ZNF71: variants seen among roughly 807,000 people sequenced by gnomAD.
The protein encoded by ZNF71 is endothelial zinc finger protein induced by tumor necrosis factor alpha.
ZNF71 carries 3 observed loss-of-function variants against 6.7 expected under a neutral mutation model. The ratio of observed to expected loss-of-function variants is 0.45; its 90% CI spans 0.20 to 1.16. The LOEUF is 1.16. ZNF71 is among the 50% of genes most tolerant of loss of function. The pLI is 0.25. For synonymous variants in ZNF71, 343 were observed against 311.1 expected (o/e 1.10, Z -1.08); for missense variants, 688 against 728.6 (o/e 0.94, Z 0.64).
Position 56,621,796 on chromosome 19 carries a change from G to T in ZNF71, c.689G>T (p.Arg230Leu), listed in dbSNP as rs1208403003. 6.2e-7 allele frequency: 1 copy of T among 1,613,810 alleles called. No individual in the cohort carries two copies. The highest frequency in any genetic ancestry group is 8.5e-7 in the Non-Finnish European group (1 of 1,179,998). Residue 230 changes from arginine (R) to leucine (L), a missense_variant, in exon 4 of 4, where the codon CGC becomes CTC. Coordinates refer to ENST00000599599, the MANE Select transcript of ZNF71 (RefSeq NM_001370215.1). ...ACCTGTGGGAAGCACTTCATCGAGCGCTCGTCCCTCACCATCCACCAGCGG... is the reference window on the plus strand; with the variant it reads ...ACCTGTGGGAAGCACTTCATCGAGCTCTCGTCCCTCACCATCCACCAGCGG... ...CDTCGKHFIE[R>L]SSLTIHQRVH...
intron 2 of ZNF71, among the ~76,000 whole-genome samples, chr19:56,607,101 A>G (rs2044715859): frequency 6.6e-6 from 1 of 152,230 alleles, no homozygotes; most frequent in South Asian, 2.1e-4. Context: ...GGGCTACCAG[A>G]AAAGCATGGT....
At position 56,624,194 on chromosome 19, in the gene ZNF71, A is replaced by G. The variant is rs1355529913; in HGVS notation, c.*1437A>G. ...ATACAGAAAAAAAATTATATCAGCA[A>G]GCACATTCTGCAAATAAGAAAAACA... is the stretch of plus-strand genomic sequence containing the variant. On this transcript the variant is annotated 3_prime_UTR_variant, in exon 4 of 4. Transcript: ENST00000599599. 6.0e-6 allele frequency: 1 copy of G among 165,316 alleles called. No individual in the cohort carries two copies. The highest frequency in any genetic ancestry group is 1.9e-4 in the East Asian group (1 of 5,208). The allele number at this position is 165,316 out of a possible 1,614,324, so 10.2% of individuals were successfully genotyped here. A position where few individuals can be genotyped will look rare whatever the true frequency, so the allele number is the denominator to read the frequency against.
rs1225439971 is a variant in ZNF71, at chr19:56,624,063, C to G, written c.*1306C>G. 6.0e-6 allele frequency: 1 copy of G among 166,944 alleles called. No individual in the cohort carries two copies. The highest frequency in any genetic ancestry group is 2.4e-5 in the African/African-American group (1 of 41,454). 10.3% of individuals were successfully genotyped at this position (166,944 alleles called of 1,614,324 possible). On this transcript the variant is annotated 3_prime_UTR_variant, in exon 4 of 4. Transcript: ENST00000599599. ...CCCCAAAGTGCACTTTCTCTGGGGC[C>G]TTTTAGGCCATACTTTTAATTTTGT...
At chr19:56,606,291 C>CTT (rs1355484716) in intron 2 of ZNF71, among the ~76,000 whole-genome samples, 1 of 152,082 alleles carries the variant, frequency 6.6e-6, no homozygotes, top group Admixed American at 6.5e-5. Context: ...AAGTATCACT[C>CTT]TGTGTGTTTC....
At position 56,602,659 on chromosome 19, in the gene ZNF71, G is replaced by C. The variant is rs574856352; in HGVS notation, c.33+1068G>C. ...GAAAATGTTTACTAGCCATTTCTGTGGGCAGGGAAATGATCCATCTTGTGC... is the reference window on the plus strand; with the variant it reads ...GAAAATGTTTACTAGCCATTTCTGTCGGCAGGGAAATGATCCATCTTGTGC... On this transcript the variant is annotated intron_variant, in intron 2 of 3. Transcript: ENST00000599599. 5.3e-5 allele frequency among the ~76,000 whole-genome samples: 8 copies of C among 152,300 alleles called. No homozygotes were observed. In the East Asian group the frequency reaches 1.5e-3, roughly 29 times the overall value.
Position 56,621,586 on chromosome 19 carries a change from G to T in ZNF71, c.479G>T (p.Gly160Val). 1.2e-6 allele frequency: 2 copies of T among 1,614,172 alleles called. No individual in the cohort carries two copies. Among genetic ancestry groups the T allele is most frequent in the Non-Finnish European group, 1.7e-6 (2 of 1,180,026 alleles). The part of the protein sequence containing the change: ...PPRLDDPTEK[G>V]ACPPVRRGKN... ...CGGCTGGACGACCCCACAGAAAAGG[G>T]GGCCTGTCCACCCGTAAGGCGTGGC... Residue 160 changes from glycine (G) to valine (V), a missense_variant, in exon 4 of 4, where the codon GGG (glycine) becomes GTG (valine). Gly to Val is a moderately radical substitution (Grantham distance 109). Transcript: ENST00000599599.
rs748505911 is a variant in ZNF71, at chr19:56,622,701, G to A, written c.1594G>A (p.Gly532Arg). Reference sequence around the variant, plus strand: ...GAAGCCCTACCGATGCGGCGAGTGCGGGAAGACCTTCAGCCGCAACACGAA... The same window carrying A: ...GAAGCCCTACCGATGCGGCGAGTGCAGGAAGACCTTCAGCCGCAACACGAA... ...GEKPYRCGECGKTFSRNTNLT... is the reference protein window; with the variant it reads ...GEKPYRCGECRKTFSRNTNLT... Residue 532 changes from glycine to arginine, a missense_variant, in exon 4 of 4, where the codon GGG becomes AGG. Transcript: ENST00000599599. The A allele has an allele frequency of 1.9e-6, 3 of 1,613,546 alleles. No individual in the cohort carries two copies. Among genetic ancestry groups the A allele is most frequent in the East Asian group, 2.2e-5 (1 of 44,870 alleles).
chr19:56,600,155 G>A (rs555260086), intron 1 of ZNF71, among the ~76,000 whole-genome samples: 2 of 142,954 alleles, frequency 1.4e-5, no homozygotes, highest in Middle Eastern at 3.5e-3. Flanking sequence ...GAGTGCAGTG[G>A]TGCAATCTTG....
chr19:56,622,694 C>T lies in ZNF71; in HGVS notation c.1587C>T (p.Gly529=), dbSNP rs754639538. The change falls in exon 4 of 4, where the codon GGC becomes GGT. Residue 529 remains glycine, a synonymous_variant. Transcript: ENST00000599599. Reference sequence around the variant, plus strand: ...CGGGCGAGAAGCCCTACCGATGCGGCGAGTGCGGGAAGACCTTCAGCCGCA... The same window carrying T: ...CGGGCGAGAAGCCCTACCGATGCGGTGAGTGCGGGAAGACCTTCAGCCGCA... ...IHTGEKPYRC[G]ECGKTFSRNT... 6.2e-7 allele frequency: 1 copy of T among 1,613,812 alleles called. No individual in the cohort carries two copies. Among genetic ancestry groups the T allele is most frequent in the Non-Finnish European group, 8.5e-7 (1 of 1,179,794 alleles).
intron 1 of ZNF71, among the ~76,000 whole-genome samples, chr19:56,597,321 A>G (rs1189844763): frequency 6.6e-6 from 1 of 152,090 alleles, no homozygotes; most frequent in Admixed American, 6.5e-5. Context: ...TTTTTTTTAT[A>G]TTAAATTGTG....
Position 56,621,466 on chromosome 19 carries a change from G to A in ZNF71, c.359G>A (p.Gly120Glu), listed in dbSNP as rs771166210. 15 of 1,614,014 alleles carry A rather than the reference G, an allele frequency of 9.3e-6. No homozygotes were observed. Among genetic ancestry groups the A allele is most frequent in the Non-Finnish European group, 1.3e-5 (15 of 1,179,958 alleles). The change falls in exon 4 of 4, where the codon GGA becomes GAA. Residue 120 changes from glycine (G) to glutamate (E), a missense_variant. Transcript: ENST00000599599. ...GDAGAEWEPL[G>E]IPQGNKLLGG... Reference sequence around the variant, plus strand: ...GCAGGTGCAGAGTGGGAGCCATTGGGAATTCCCCAGGGGAACAAACTCTTA... The same window carrying A: ...GCAGGTGCAGAGTGGGAGCCATTGGAAATTCCCCAGGGGAACAAACTCTTA...
Position 56,624,220 on chromosome 19 carries a change from G to T in ZNF71, c.*1463G>T. 1.2e-5 allele frequency: 2 copies of T among 162,096 alleles called. No individual in the cohort carries two copies. The allele number at this position is 162,096 out of a possible 1,614,324, so 10.0% of individuals were successfully genotyped here. ...GCACATTCTGCAAATAAGAAAAACAGCCACTCGGGCACGTATAAACAAGGT... is the reference window on the plus strand; with the variant it reads ...GCACATTCTGCAAATAAGAAAAACATCCACTCGGGCACGTATAAACAAGGT... On this transcript the variant is annotated 3_prime_UTR_variant, in exon 4 of 4. Coordinates refer to ENST00000599599, the MANE Select transcript of ZNF71 (RefSeq NM_001370215.1).
rs201927667 is a variant in ZNF71 at position 56,597,001 on chromosome 19, GC to G, written c.-53+1575del. On this transcript the variant is annotated intron_variant, in intron 1 of 3. Coordinates refer to ENST00000599599, the MANE Select transcript of ZNF71 (RefSeq NM_001370215.1). ...TACTCTTGGGCAAGTCACTTCCAGG[GC>G]CGCTGCATGATTTTTAAGGGTACTT... Among the ~76,000 whole-genome samples the G allele has an allele frequency of 8.4e-4, 128 of 152,314 alleles. 2 individuals are homozygous for G. In the East Asian group the frequency reaches 0.019, roughly 23 times the overall value.
At chr19:56,615,378 T>G (rs1449704781) in intron 3 of ZNF71, among the ~76,000 whole-genome samples, 1 of 152,258 alleles carries the variant, frequency 6.6e-6, no homozygotes, top group Admixed American at 6.5e-5. Context: ...TGCTTTATCT[T>G]TTAAATTTAG....
chr19:56,622,555 C>T lies in ZNF71; in HGVS notation c.1448C>T (p.Ala483Val). 1 of 1,613,608 alleles carries T rather than the reference C, an allele frequency of 6.2e-7. No individual in the cohort carries two copies. Among genetic ancestry groups the T allele is most frequent in the Non-Finnish European group, 8.5e-7 (1 of 1,179,700 alleles). Residue 483 changes from alanine (A) to valine (V), a missense_variant, in exon 4 of 4, where the codon GCC (alanine) becomes GTC (valine). Transcript: ENST00000599599. The stretch of plus-strand genomic sequence containing the variant: ...TGCGGCAAGGCCTTCAGCCAGAGCG[C>T]CTACCTCATCGAGCACCAGCGGATC... ...GECGKAFSQS[A>V]YLIEHQRIHT...
intron 2 of ZNF71, among the ~76,000 whole-genome samples, chr19:56,605,733 C>T (rs1165669709): frequency 6.6e-6 from 1 of 152,212 alleles, no homozygotes; most frequent in Non-Finnish European, 1.5e-5. Flanking sequence ...AGCACCATCT[C>T]TGGAAGTGGC....
rs1036664201 is a variant in ZNF71, at chr19:56,603,148, A to G, written c.33+1557A>G. On this transcript the variant is annotated intron_variant, in intron 2 of 3. Transcript: ENST00000599599. The surrounding 1 kb of genome is among the most constrained non-coding windows in gnomAD (Gnocchi z 4.6). Reference sequence around the variant, plus strand: ...GTACATTCATAGAGTCGCGTTAACCATCACCACAGTCCATTTCAGAATATT... The same window carrying G: ...GTACATTCATAGAGTCGCGTTAACCGTCACCACAGTCCATTTCAGAATATT... Among the ~76,000 whole-genome samples, 7 of 152,208 alleles carry G rather than the reference A, an allele frequency of 4.6e-5. No homozygotes were observed. Among genetic ancestry groups the G allele is most frequent in the African/African-American group, 1.4e-4 (6 of 41,458 alleles).
intron 2 of ZNF71, among the ~76,000 whole-genome samples, chr19:56,607,432 G>A (rs778119540): frequency 6.6e-6 from 1 of 152,182 alleles, no homozygotes; most frequent in Non-Finnish European, 1.5e-5. Flanking sequence ...AACATTTATT[G>A]AGTACCTACT....
rs2044685906 is a variant in ZNF71 at position 56,603,430 on chromosome 19, C to T, written c.33+1839C>T. 6.6e-6 allele frequency among the ~76,000 whole-genome samples: 1 copy of T among 152,128 alleles called. No homozygotes were observed. Among genetic ancestry groups the T allele is most frequent in the Admixed American group, 6.5e-5 (1 of 15,276 alleles). ...TCCTTTTTTTGACTGAATAATATTC[C>T]AGTGTGTGTTTCTACATATTTTATT... On this transcript the variant is annotated intron_variant, in intron 2 of 3. Transcript: ENST00000599599. This position sits in a 1 kb window ranked among gnomAD's most constrained non-coding sequence, Gnocchi z 4.6.
Sources: allele counts gnomAD v4.1 joint callset (sites outside exome capture counted in the v4.1 genomes callset), GRCh38; gene constraint gnomAD v4.1.1; non-coding constraint Gnocchi (gnomAD v3.1); transcripts MANE v1.5; gene names NCBI Gene and HGNC (gene_info 2026-07-23, HGNC 2026-07-21).